The following MSL3 variants were observed in gnomAD, a reference collection of about 807,000 sequenced individuals.
MSL3 encodes MSL3-like 1.
In MSL3, 5 loss-of-function variants were observed where a neutral mutation model predicts 37.2. The ratio of observed to expected loss-of-function variants is 0.13; its 90% confidence interval spans 0.07 to 0.28. The LOEUF (loss-of-function observed/expected upper bound fraction) is 0.28. Ranked by LOEUF, MSL3 falls within the 10% of genes least tolerant of loss-of-function variation. The pLI is 1.00. For synonymous variants in MSL3, 149 were observed against 147.6 expected (o/e 1.01, Z -0.07); for missense variants, 315 against 408.5 (o/e 0.77, Z 1.97).
At chrX:11,766,057 A>G (rs1017711538) in intron 9 of MSL3, 2 of 948,536 alleles carry the variant, frequency 2.1e-6, no homozygotes, top group African/African-American at 4.0e-5. Context: ...AAAATGAGCA[A>G]TGCTAATGGG....
chrX:11,773,822 G>A (rs1486155141), intron 12 of MSL3, among the ~76,000 whole-genome samples: 2 of 112,071 alleles, frequency 1.8e-5, no homozygotes, highest in East Asian at 5.6e-4. Flanking sequence ...AAACGTATTC[G>A]AAGATATCAA....
chrX:11,775,353 A>G lies in MSL3; in HGVS notation c.*274A>G, dbSNP rs768274386. 8 of 288,141 alleles carry G rather than the reference A, an allele frequency of 2.8e-5. No homozygotes were observed. Among genetic ancestry groups the G allele is most frequent in the Non-Finnish European group, 4.8e-5 (8 of 165,637 alleles). 23.7% of individuals were successfully genotyped at this position (288,141 alleles called of 1,213,427 possible). On this transcript the variant is annotated 3_prime_UTR_variant, in exon 13 of 13. Transcript: ENST00000312196. ...ATGTTCACAGTGAAATATTCGTGGA[A>G]TAGGTTAGGCCATTTCAGTAGACAT...
chrX:11,761,285 G>A (rs986072711), intron 4 of MSL3, among the ~76,000 whole-genome samples: 3 of 112,465 alleles, frequency 2.7e-5, no homozygotes, highest in Non-Finnish European at 3.8e-5. Flanking sequence ...TACACTTTCC[G>A]ATCATTAGCT....
intron 10 of MSL3, among the ~76,000 whole-genome samples, chrX:11,771,638 G>A (rs2053232790): frequency 8.9e-6 from 1 of 112,667 alleles, no homozygotes; most frequent in African/African-American, 3.2e-5. Flanking sequence ...GGAGTGCAGT[G>A]GCACAACCTT....
At position 11,762,066 on chromosome X, in the gene MSL3, C is replaced by T. The variant is rs1457476900; in HGVS notation, c.466-64C>T. ...TTAGCTGGGTTTGTTTCATAGCAGGCCTTCCTTGGATATTGACTCTTCTAC... is the reference window on the plus strand; with the variant it reads ...TTAGCTGGGTTTGTTTCATAGCAGGTCTTCCTTGGATATTGACTCTTCTAC... On this transcript the variant is annotated intron_variant, in intron 5 of 12. Coordinates refer to ENST00000312196, the MANE Select transcript of MSL3 (RefSeq NM_078629.4). 31 of 896,803 alleles carry T rather than the reference C, an allele frequency of 3.5e-5. No individual in the cohort carries two copies. The East Asian group carries it at 1.1e-3, about 32-fold the overall frequency. 73.9% of individuals were successfully genotyped at this position (896,803 alleles called of 1,213,427 possible). A position where few individuals can be genotyped will look rare whatever the true frequency, so the allele number is the denominator to read the frequency against.
At chrX:11,758,574 C>T (rs967837799) in intron 1 of MSL3, 3 of 1,110,304 alleles carry the variant, frequency 2.7e-6, no homozygotes, top group Non-Finnish European at 2.4e-6. Flanking sequence ...TCCGTCAGGC[C>T]GGGCGGCGCA....
intron 1 of MSL3, 119 bp downstream of exon 1, chrX:11,758,484 G>GA: frequency 1.0e-6 from 1 of 983,875 alleles, no homozygotes; most frequent in Non-Finnish European, 1.3e-6. Context: ...GGCCTGCGAG[G>GA]AGCGGTGCGG....
At chrX:11,768,783 A>C (rs1765116072) in intron 10 of MSL3, 101 bp downstream of exon 10, 1 of 546,400 alleles carries the variant, frequency 1.8e-6, no homozygotes, top group East Asian at 3.5e-5. Flanking sequence ...TGTTGCTGCT[A>C]TTACTGTAAA....
chrX:11,768,847 A>G lies in MSL3; in HGVS notation c.1281+165A>G, dbSNP rs762325466. ...CTTAACACTGTGGGTTTTGGTTTCT[A>G]AAGTGAGAAAATTGTTAGGATTCCA... On this transcript the variant is annotated intron_variant, in intron 10 of 12. Coordinates refer to ENST00000312196, the MANE Select transcript of MSL3 (RefSeq NM_078629.4). The G allele has an allele frequency of 3.9e-5, 16 of 413,510 alleles. No individual in the cohort carries two copies. The East Asian group carries it at 6.5e-4, about 17-fold the overall frequency. 34.1% of individuals were successfully genotyped at this position (413,510 alleles called of 1,213,427 possible).
At chrX:11,768,036 T>G (rs1420144144) in intron 9 of MSL3, 2 of 615,707 alleles carry the variant, frequency 3.2e-6, no homozygotes, top group Non-Finnish European at 3.9e-6. Flanking sequence ...ACATATAAAA[T>G]TAACCATTGT....
Position 11,775,013 on chromosome X carries a change from A to G in MSL3, c.1500A>G (p.Pro500=). The change falls in exon 13 of 13, where the codon CCA becomes CCG. Residue 500 remains proline, a synonymous_variant. Transcript: ENST00000312196. ...FLAEYHDDFF[P]ESAYVAACEA... ...CAGAATACCACGATGACTTCTTCCC[A>G]GAGTCGGCTTATGTCGCTGCCTGTG... The G allele has an allele frequency of 8.3e-7, 1 of 1,209,943 alleles. No homozygotes were observed. The highest frequency in any genetic ancestry group is 1.1e-6 in the Non-Finnish European group (1 of 894,506).
chrX:11,761,606 C>G, intron 5 of MSL3, 24 bp downstream of exon 5: 1 of 1,004,847 alleles, frequency 1.0e-6, no homozygotes, highest in Non-Finnish European at 1.4e-6. Context: ...ATTGTAAAAA[C>G]TTTCTCTTTG....
intron 11 of MSL3, among the ~76,000 whole-genome samples, 170 bp downstream of exon 11, chrX:11,772,425 C>A (rs762879247): frequency 8.9e-6 from 1 of 112,330 alleles, no homozygotes; most frequent in South Asian, 3.6e-4. Flanking sequence ...TCTTAAATTT[C>A]ATAAAAATTA....
intron 10 of MSL3, among the ~76,000 whole-genome samples, chrX:11,771,280 A>G (rs1347883130): frequency 5.3e-5 from 6 of 112,378 alleles, no homozygotes; most frequent in African/African-American, 1.6e-4. Flanking sequence ...CTCTGGTTCT[A>G]TAATTTGCTG....
intron 5 of MSL3, 149 bp downstream of exon 5, chrX:11,761,731 C>T (rs2053134364): frequency 5.1e-6 from 2 of 389,513 alleles, no homozygotes; most frequent in Admixed American, 5.3e-5. Context: ...TAAAGAAAAA[C>T]AACCCTTATT....
At chrX:11,760,184 T>C in intron 2 of MSL3, 1 of 370,278 alleles carries the variant, frequency 2.7e-6, no homozygotes, top group Non-Finnish European at 4.6e-6. Context: ...TTTAAGTCGA[T>C]TGTATTTGGA....
At chrX:11,762,337 G>T in intron 6 of MSL3, 85 bp downstream of exon 6, 1 of 825,570 alleles carries the variant, frequency 1.2e-6, no homozygotes, top group Non-Finnish European at 1.7e-6. Context: ...AAGCAATAGC[G>T]AATCTTGGTG....
intron 10 of MSL3, among the ~76,000 whole-genome samples, chrX:11,771,808 C>A (rs922738236): frequency 9.0e-6 from 1 of 111,573 alleles, no homozygotes; most frequent in African/African-American, 3.3e-5. Context: ...CTCAAGCTCC[C>A]GACCGCAGTT....
At position 11,775,085 on chromosome X, in the gene MSL3, T is replaced by C. The variant is rs1440130358; in HGVS notation, c.*6T>C. On this transcript the variant is annotated 3_prime_UTR_variant, in exon 13 of 13. Coordinates refer to ENST00000312196, the MANE Select transcript of MSL3 (RefSeq NM_078629.4). ...ACCCCCGGGCAATTTATTAAAATGT[T>C]GTTGGTTCTGTAAGAGCAACTGCTC... 2.6e-6 allele frequency: 3 copies of C among 1,169,145 alleles called. No individual in the cohort carries two copies. The highest frequency in any genetic ancestry group is 3.5e-6 in the Non-Finnish European group (3 of 859,614).
Sources: gnomAD v4.1 joint callset for allele counts (sites outside exome capture counted in the v4.1 genomes callset) on GRCh38, gnomAD v4.1.1 for gene constraint, MANE v1.5 for transcripts, NCBI Gene and HGNC (gene_info 2026-07-23, HGNC 2026-07-21) for gene names.